SEM1: variants seen among roughly 807,000 people sequenced by gnomAD.
The protein encoded by SEM1 is 26S proteasome complex subunit SEM1.
Under a neutral mutation model 12.7 loss-of-function variants are expected in SEM1, and 3 were observed. That is an observed-to-expected ratio of 0.24 (90% CI 0.11 to 0.61). The LOEUF is 0.61. Among genes scored for constraint, SEM1 ranks in the 20% least tolerant of loss-of-function variants. The probability of loss-of-function intolerance (pLI) is 0.88; values close to 1 mark genes in which losing one functional copy is unlikely to be tolerated. For synonymous variants in SEM1, 30 were observed against 27.8 expected, an observed-to-expected ratio of 1.08 and a Z score of -0.25; for missense variants, 59 against 81.3, an observed-to-expected ratio of 0.73 and a Z score of 1.06.
intron 2 of SEM1, among the ~76,000 whole-genome samples, chr7:96,654,529 C>T (rs1344229794): frequency 6.6e-6 from 1 of 152,130 alleles, no homozygotes; most frequent in Non-Finnish European, 1.5e-5. Flanking sequence ...TGCTGGGCAG[C>T]AGCAGTGAGC....
At chr7:96,481,734 G>A (rs1584687283) in exon 4 of SEM1, 1 of 152,086 alleles carries the variant, frequency 6.6e-6, no homozygotes, top group East Asian at 1.9e-4. Context: ...TTTCATATAT[G>A]AACATTTTAA....
intron 2 of SEM1, among the ~76,000 whole-genome samples, chr7:96,585,103 C>G (rs895503989): frequency 6.6e-6 from 1 of 152,086 alleles, no homozygotes; most frequent in African/African-American, 2.4e-5. Flanking sequence ...GTGGTTTTAT[C>G]TACTTTTGGT....
intron 2 of SEM1, among the ~76,000 whole-genome samples, chr7:96,689,971 T>G (rs994958347): frequency 2.0e-5 from 3 of 152,166 alleles, no homozygotes; most frequent in Non-Finnish European, 4.4e-5. Context: ...TCCATTGTTT[T>G]GAGAGCTAAA....
chr7:96,704,182 C>T (rs1423841588), intron 1 of SEM1, among the ~76,000 whole-genome samples: 3 of 151,712 alleles, frequency 2.0e-5, no homozygotes, highest in South Asian at 2.1e-4. Flanking sequence ...TAGTATATAT[C>T]GTATGTCTTC....
chr7:96,482,291 A>T (rs950088100), exon 4 of SEM1: 1 of 152,206 alleles, frequency 6.6e-6, no homozygotes, highest in African/African-American at 2.4e-5. Flanking sequence ...GCCAGCTCTG[A>T]GTGCCACATC....
At chr7:96,674,996 G>C (rs550100800) in intron 2 of SEM1, among the ~76,000 whole-genome samples, 2 of 152,224 alleles carry the variant, frequency 1.3e-5, no homozygotes, top group South Asian at 4.1e-4. Context: ...AGGAGCATGG[G>C]GACACAGTAC....
chr7:96,549,491 TAA>T, intron 2 of SEM1, among the ~76,000 whole-genome samples: 1 of 152,342 alleles, frequency 6.6e-6, no homozygotes, highest in Admixed American at 6.5e-5. Flanking sequence ...ACTAATTTCA[TAA>T]AAGCGTTCTT....
intron 1 of SEM1, among the ~76,000 whole-genome samples, chr7:96,493,063 T>C (rs1192582669): frequency 2.0e-5 from 3 of 152,130 alleles, no homozygotes; most frequent in Non-Finnish European, 4.4e-5. Context: ...AACCTCTGCC[T>C]CCTGGGTTCA....
intron 1 of SEM1, among the ~76,000 whole-genome samples, chr7:96,488,367 A>C (rs1266486047): frequency 2.0e-5 from 3 of 152,190 alleles, no homozygotes; most frequent in Non-Finnish European, 4.4e-5. Flanking sequence ...AATTATTTCT[A>C]TCAAGGTAGT....
At chr7:96,508,176 G>C (rs1272032501) in intron 2 of SEM1, among the ~76,000 whole-genome samples, 1 of 152,012 alleles carries the variant, frequency 6.6e-6, no homozygotes, top group African/African-American at 2.4e-5. Context: ...ACAAGATTAG[G>C]AACAAGAGAA....
At chr7:96,579,846 G>A (rs1030276958) in intron 2 of SEM1, among the ~76,000 whole-genome samples, 2 of 152,104 alleles carry the variant, frequency 1.3e-5, no homozygotes, top group African/African-American at 2.4e-5. Context: ...AGCAATAGGG[G>A]AAATTGGTGA....
chr7:96,686,163 C>T (rs1389908930), downstream of SEM1, among the ~76,000 whole-genome samples: 1 of 152,088 alleles, frequency 6.6e-6, no homozygotes, highest in African/African-American at 2.4e-5. Flanking sequence ...GGGTGGGTCA[C>T]TGTGAAGGTC....
chr7:96,540,577 C>T (rs553069450), intron 2 of SEM1, among the ~76,000 whole-genome samples: 2 of 151,620 alleles, frequency 1.3e-5, no homozygotes, highest in Non-Finnish European at 2.9e-5. Context: ...ATAAAGATAC[C>T]TTTGTAAATC....
chr7:96,650,406 T>C, intron 2 of SEM1: 1 of 687,540 alleles, frequency 1.5e-6, no homozygotes, highest in Non-Finnish European at 2.6e-6. Context: ...GGGCATGTTC[T>C]CCAGGCAGTA....
chr7:96,495,354 T>C (rs1196023205), intron 1 of SEM1, among the ~76,000 whole-genome samples: 1 of 152,146 alleles, frequency 6.6e-6, no homozygotes, highest in Non-Finnish European at 1.5e-5. Context: ...TGCTCTTAGG[T>C]GAGTCAAATA....
chr7:96,543,708 G>C (rs1236576993), intron 2 of SEM1, among the ~76,000 whole-genome samples: 1 of 151,942 alleles, frequency 6.6e-6, no homozygotes, highest in African/African-American at 2.4e-5. Flanking sequence ...TTTCTGTTCG[G>C]TTTTTTAGAA....
At chr7:96,656,872 T>C (rs1402322901) in intron 2 of SEM1, among the ~76,000 whole-genome samples, 3 of 142,412 alleles carry the variant, frequency 2.1e-5, no homozygotes, top group South Asian at 2.2e-4. Context: ...TATATATATA[T>C]ATATACACAC....
chr7:96,649,756 A>G (rs534990152), intron 2 of SEM1: 9 of 152,344 alleles, frequency 5.9e-5, no homozygotes, highest in African/African-American at 2.2e-4. Flanking sequence ...CCCTGCTCCC[A>G]TGTTCTTCCA....
intron 2 of SEM1, among the ~76,000 whole-genome samples, chr7:96,641,270 T>C (rs573826147): frequency 1.1e-4 from 16 of 152,028 alleles, no homozygotes; most frequent in Non-Finnish European, 2.1e-4. Context: ...AGCTAGAGAT[T>C]TATCTATTAG....
Sources: allele counts gnomAD v4.1 joint callset (sites outside exome capture counted in the v4.1 genomes callset), GRCh38; gene constraint gnomAD v4.1.1; transcripts MANE v1.5; gene names NCBI Gene and HGNC (gene_info 2026-07-23, HGNC 2026-07-21).